The following RAB6B variants were observed in gnomAD, a reference collection of about 807,000 sequenced individuals.
RAB6B encodes ras-related protein Rab-6B.
Under a neutral mutation model 31.2 loss-of-function variants are expected in RAB6B, and 7 were observed. That is an observed-to-expected ratio of 0.22 (90% CI 0.13 to 0.42). The LOEUF (loss-of-function observed/expected upper bound fraction) is 0.42, where lower values mean the gene tolerates loss of function less well. Ranked by LOEUF, RAB6B falls within the 10% of genes least tolerant of loss-of-function variation. The pLI, the probability that RAB6B is intolerant of heterozygous loss-of-function variation, is 1.00. For synonymous variants in RAB6B, 105 were observed against 104.9 expected (o/e 1.00, Z -0.01); for missense variants, 149 against 280.6 (o/e 0.53, Z 3.35).
chr3:133,872,271 C>A (rs1936336372), intron 1 of RAB6B, among the ~76,000 whole-genome samples: 1 of 152,250 alleles, frequency 6.6e-6, no homozygotes, highest in Admixed American at 6.5e-5. Flanking sequence ...GTTTCTAGAA[C>A]AGAAGTGGGA....
chr3:133,861,305 TGAG>T (rs1485799126), intron 2 of RAB6B, among the ~76,000 whole-genome samples: 1 of 152,184 alleles, frequency 6.6e-6, no homozygotes, highest in Non-Finnish European at 1.5e-5. Flanking sequence ...TGGATTTAGA[TGAG>T]GTGATGGGCA....
At chr3:133,844,254 C>G (rs770154586) in intron 2 of RAB6B, among the ~76,000 whole-genome samples, 55 of 152,216 alleles carry the variant, frequency 3.6e-4, no homozygotes, top group Non-Finnish European at 6.8e-4. Flanking sequence ...CATCCCATAA[C>G]AGACTAACCA....
In RAB6B at chr3:133,870,611, CCT is replaced by C. The variant is rs1202445227; in HGVS notation, c.71-5971_71-5970del. On this transcript the variant is annotated intron_variant, in intron 1 of 7. Coordinates refer to ENST00000285208, the MANE Select transcript of RAB6B (RefSeq NM_016577.4). ...TGACCATTAGATGCTAGAGCTATCCCCTGAGCCCAAGACAACTGGACAAGGAA... is the reference window on the plus strand; with the variant it reads ...TGACCATTAGATGCTAGAGCTATCCCGAGCCCAAGACAACTGGACAAGGAA... Among the ~76,000 whole-genome samples the C allele has an allele frequency of 2.0e-5, 3 of 152,126 alleles. No individual in the cohort carries two copies. In the East Asian group the frequency reaches 5.8e-4, roughly 29 times the overall value.
rs181361454 is a variant in RAB6B, at chr3:133,833,440, G to A, written c.562+1135C>T. On this transcript the variant is annotated intron_variant, in intron 7 of 7. Transcript: ENST00000285208. Reference sequence around the variant, plus strand: ...TGGTGAGCCTTCCTGACCCCCCCGGGGGGTGGGTCTCGAGTCTGCTCTGAG... The same window carrying A: ...TGGTGAGCCTTCCTGACCCCCCCGGAGGGTGGGTCTCGAGTCTGCTCTGAG... Among the ~76,000 whole-genome samples, 861 of 152,220 alleles carry A rather than the reference G, an allele frequency of 5.7e-3. 11 individuals are homozygous for A. The highest frequency in any genetic ancestry group is 0.02 in the African/African-American group (828 of 41,544).
chr3:133,895,488 G>C lies in RAB6B; in HGVS notation c.-22C>G, dbSNP rs563456473. On this transcript the variant is annotated 5_prime_UTR_variant, in exon 1 of 8. Coordinates refer to ENST00000285208, the MANE Select transcript of RAB6B (RefSeq NM_016577.4). ...ACATGGTGCTGGCAGCCGGGGCCGGGAGAGGAGGAGGAGGAAAAAGCGAAG... is the reference window on the plus strand; with the variant it reads ...ACATGGTGCTGGCAGCCGGGGCCGGCAGAGGAGGAGGAGGAAAAAGCGAAG... 458 of 1,610,686 alleles carry C rather than the reference G, an allele frequency of 2.8e-4. 7 individuals are homozygous for C. The South Asian group carries it at 4.9e-3, about 17-fold the overall frequency.
intron 1 of RAB6B, among the ~76,000 whole-genome samples, chr3:133,882,770 G>A (rs1291662874): frequency 5.3e-5 from 8 of 152,222 alleles, no homozygotes; most frequent in Non-Finnish European, 1.2e-4. Context: ...ATAGAGGCAG[G>A]AGAGGAGCTG....
At position 133,870,515 on chromosome 3, in the gene RAB6B, G is replaced by GCAGGGTA. The variant is rs1295946474; in HGVS notation, c.71-5880_71-5874dup. Among the ~76,000 whole-genome samples, 18 of 152,258 alleles carry GCAGGGTA rather than the reference G, an allele frequency of 1.2e-4. No individual in the cohort carries two copies. In the East Asian group the frequency reaches 1.9e-3, roughly 16 times the overall value. ...GGGGCTGGAGAGAATGGGGAGGAGA[G>GCAGGGTA]CAGGGTACAGGACCAGTGACTGGTC... On this transcript the variant is annotated intron_variant, in intron 1 of 7. Transcript: ENST00000285208.
intron 1 of RAB6B, among the ~76,000 whole-genome samples, chr3:133,882,981 G>T (rs1217667516): frequency 2.6e-5 from 4 of 152,210 alleles, no homozygotes; most frequent in Admixed American, 2.6e-4. Flanking sequence ...CCAGATCTTG[G>T]TGCCACAAGT....
At chr3:133,834,847 G>T (rs1935710435) in intron 6 of RAB6B, among the ~76,000 whole-genome samples, 1 of 152,184 alleles carries the variant, frequency 6.6e-6, no homozygotes, top group Non-Finnish European at 1.5e-5. Context: ...GCAGGCCTCA[G>T]TAGCTTGTGG....
intron 2 of RAB6B, among the ~76,000 whole-genome samples, chr3:133,851,067 C>T (rs1246988963): frequency 2.7e-5 from 4 of 147,320 alleles, no homozygotes; most frequent in Non-Finnish European, 6.0e-5. Context: ...AGCAAAAATA[C>T]TCTTCAAAAG....
intron 7 of RAB6B, among the ~76,000 whole-genome samples, chr3:133,829,720 C>A (rs1935627926): frequency 6.6e-6 from 1 of 152,148 alleles, no homozygotes; most frequent in Admixed American, 6.5e-5. Flanking sequence ...TTGAGGACAA[C>A]AGGAGAGGTT....
At position 133,869,182 on chromosome 3, in the gene RAB6B, C is replaced by G. The variant is rs149238667; in HGVS notation, c.71-4540G>C. Among the ~76,000 whole-genome samples the G allele has an allele frequency of 5.3e-5, 8 of 152,298 alleles. No homozygotes were observed. The East Asian group carries it at 1.5e-3, about 29-fold the overall frequency. The stretch of plus-strand genomic sequence containing the variant: ...CACAGAGACAGGGAGAGAAAACACT[C>G]GTGAGAAGAAACAGAAGGCAACAGG... On this transcript the variant is annotated intron_variant, in intron 1 of 7. Coordinates refer to ENST00000285208, the MANE Select transcript of RAB6B (RefSeq NM_016577.4).
At chr3:133,876,814 C>T (rs1936403537) in intron 1 of RAB6B, among the ~76,000 whole-genome samples, 1 of 152,262 alleles carries the variant, frequency 6.6e-6, no homozygotes, top group East Asian at 1.9e-4. Context: ...ACTGGATGAA[C>T]ATCCCAGATG....
At chr3:133,868,708 T>G (rs1347636475) in intron 1 of RAB6B, among the ~76,000 whole-genome samples, 1 of 152,218 alleles carries the variant, frequency 6.6e-6, no homozygotes, top group Non-Finnish European at 1.5e-5. Flanking sequence ...AGCAAGGAGA[T>G]GCATTTCTCC....
intron 2 of RAB6B, among the ~76,000 whole-genome samples, chr3:133,862,615 A>G (rs1880663): frequency 0.13 from 19,041 of 152,256 alleles, 1,486 homozygotes; most frequent in Non-Finnish European, 0.18. Flanking sequence ...GTGTGGAGGC[A>G]TAACAGTGTC....
chr3:133,891,376 C>T (rs1277661495), intron 1 of RAB6B, among the ~76,000 whole-genome samples: 2 of 152,168 alleles, frequency 1.3e-5, no homozygotes, highest in African/African-American at 4.8e-5. Context: ...GGGCTTGTTC[C>T]AAGACCTACT....
At chr3:133,866,254 T>C (rs898943755) in intron 1 of RAB6B, among the ~76,000 whole-genome samples, 5 of 152,110 alleles carry the variant, frequency 3.3e-5, no homozygotes, top group African/African-American at 1.2e-4. Flanking sequence ...TGGGCGGCAC[T>C]CAAGTCATCC....
chr3:133,871,357 C>A (rs921599836), intron 1 of RAB6B, among the ~76,000 whole-genome samples: 1 of 152,248 alleles, frequency 6.6e-6, no homozygotes, highest in Non-Finnish European at 1.5e-5. Context: ...ACCATTTGGG[C>A]TGAGCCTTGA....
chr3:133,868,571 T>C (rs1936274255), intron 1 of RAB6B, among the ~76,000 whole-genome samples: 1 of 152,262 alleles, frequency 6.6e-6, no homozygotes, highest in African/African-American at 2.4e-5. Flanking sequence ...AGGACAAAGA[T>C]TCAGCTCCAC....
Sources: allele counts gnomAD v4.1 joint callset (sites outside exome capture counted in the v4.1 genomes callset), GRCh38; gene constraint gnomAD v4.1.1; transcripts MANE v1.5; gene names NCBI Gene and HGNC (gene_info 2026-07-23, HGNC 2026-07-21).